CLPSL1: variants seen among roughly 807,000 people sequenced by gnomAD.
CLPSL1 encodes colipase-like protein 1.
In CLPSL1, 13 loss-of-function variants were observed where a neutral mutation model predicts 9.3. That is an observed-to-expected ratio of 1.40 (90% CI 0.91 to 2.22). The LOEUF (loss-of-function observed/expected upper bound fraction) is 2.22, where lower values mean the gene tolerates loss of function less well. Ranked by LOEUF, CLPSL1 falls within the 30% of genes most tolerant of loss-of-function variation. CLPSL1 has a pLI of 0.00. For missense variants in CLPSL1, 164 were observed against 146.6 expected, an observed-to-expected ratio of 1.12 and a Z score of -0.61; for synonymous variants, 58 against 56.9, an observed-to-expected ratio of 1.02 and a Z score of -0.08.
intron 2 of CLPSL1, 128 bp downstream of exon 2, chr6:35,787,248 T>C: frequency 1.7e-6 from 2 of 1,159,102 alleles, no homozygotes; most frequent in Non-Finnish European, 2.4e-6. Context: ...AATTCCCCCG[T>C]GGGACTGCAC....
chr6:35,783,611 C>T (rs961257331), intron 1 of CLPSL1, among the ~76,000 whole-genome samples: 1 of 151,636 alleles, frequency 6.6e-6, no homozygotes, highest in Non-Finnish European at 1.5e-5. Flanking sequence ...TCAAGACCAT[C>T]CTGGCTAACA....
intron 2 of CLPSL1, 90 bp from the exon 3 acceptor site, chr6:35,787,776 GC>G (rs1369248975): frequency 1.6e-6 from 2 of 1,248,082 alleles, no homozygotes; most frequent in African/African-American, 3.0e-5. Context: ...CTGTGGGCAA[GC>G]ACATGGGCCC....
intron 1 of CLPSL1, among the ~76,000 whole-genome samples, chr6:35,786,200 C>T (rs979872778): frequency 8.6e-5 from 13 of 151,908 alleles, no homozygotes; most frequent in Admixed American, 7.2e-4. Flanking sequence ...TGCAGTGAGC[C>T]GAAATCACGC....
chr6:35,791,855 C>T (rs1387789277), downstream of CLPSL1, among the ~76,000 whole-genome samples: 1 of 152,058 alleles, frequency 6.6e-6, no homozygotes, highest in Non-Finnish European at 1.5e-5. Flanking sequence ...ATTGCCTGAG[C>T]TCAGGAGTTC....
chr6:35,781,248 T>A, intron 1 of CLPSL1, 39 bp downstream of exon 1: 3 of 1,606,816 alleles, frequency 1.9e-6, no homozygotes, highest in Non-Finnish European at 1.7e-6. Context: ...CCCCCTCCAC[T>A]GTCCTAAGGC....
At chr6:35,791,287 T>C (rs1233230832), downstream of CLPSL1, among the ~76,000 whole-genome samples, 3 of 152,214 alleles carry the variant, frequency 2.0e-5, no homozygotes, top group Non-Finnish European at 4.4e-5. Context: ...ATAAACACAT[T>C]GTTTAAGTTG....
chr6:35,787,026 A>G lies in CLPSL1; in HGVS notation c.128A>G (p.Gln43Arg). ...CTCAAGGAGTCTTGCATCCGGAACC[A>G]GGACTGCGAGACTGGCTGCTGCCAA... ...LELKESCIRNQDCETGCCQRA... is the reference protein window; with the variant it reads ...LELKESCIRNRDCETGCCQRA... The change falls in exon 2 of 3, where the codon CAG becomes CGG. Residue 43 changes from glutamine (Q) to arginine (R), a missense_variant. Physicochemically the swap from Gln to Arg is conservative, Grantham distance 43. Transcript: ENST00000373861. 1 of 1,591,310 alleles carries G rather than the reference A, an allele frequency of 6.3e-7. No homozygotes were observed. Among genetic ancestry groups the G allele is most frequent in the South Asian group, 1.1e-5 (1 of 87,132 alleles).
chr6:35,791,176 G>A (rs1258067073), downstream of CLPSL1, among the ~76,000 whole-genome samples: 1 of 152,270 alleles, frequency 6.6e-6, no homozygotes, highest in Non-Finnish European at 1.5e-5. Context: ...TGCCCTATGG[G>A]AAAAGTGGTC....
rs1767959042 is a variant in CLPSL1 at position 35,781,143 on chromosome 6, C to T, written c.33C>T (p.Phe11=). Residue 11 remains phenylalanine (F), a synonymous_variant, in exon 1 of 3, where the codon TTC becomes TTT. Transcript: ENST00000373861. The stretch of plus-strand genomic sequence containing the variant: ...TACCCCAATGGCTGCTGCTGCTGTT[C>T]CTTCTCTTCTTCTTTCTCTTCCTCC... The part of the protein sequence containing the change: MMLPQWLLLL[F]LLFFFLFLLT... The T allele has an allele frequency of 6.2e-7, 1 of 1,613,940 alleles. No individual in the cohort carries two copies. Among genetic ancestry groups the T allele is most frequent in the Admixed American group, 1.7e-5 (1 of 60,000 alleles).
chr6:35,793,561 TG>T (rs1267195105), exon 2 of CLPSL1: 7 of 471,692 alleles, frequency 1.5e-5, no homozygotes, highest in South Asian at 1.1e-4. Flanking sequence ...CTAAGGCATG[TG>T]GCAACCTTGA....
At chr6:35,793,147 G>C (rs1768253347), downstream of CLPSL1, among the ~76,000 whole-genome samples, 1 of 152,260 alleles carries the variant, frequency 6.6e-6, no homozygotes. Context: ...GTATGGTCCA[G>C]GTGCCATGGT....
intron 1 of CLPSL1, among the ~76,000 whole-genome samples, chr6:35,781,870 C>G (rs775700003): frequency 3.3e-5 from 5 of 151,726 alleles, no homozygotes; most frequent in Non-Finnish European, 7.4e-5. Context: ...CTCAGCCTCC[C>G]GAGTAGCTGA....
chr6:35,787,849 A>T lies in CLPSL1; in HGVS notation c.223-18A>T. The T allele has an allele frequency of 6.2e-7, 1 of 1,607,072 alleles. No homozygotes were observed. ...AGAGCTGCCGCCAAGGTCGAGGTCA[A>T]AGTCCTGTCTTTCCCAGGTGTTCTT... On this transcript the variant is annotated intron_variant, in intron 2 of 2. Transcript: ENST00000373861.
At chr6:35,786,736 C>G (rs1462761290) in intron 1 of CLPSL1, among the ~76,000 whole-genome samples, 3 of 152,228 alleles carry the variant, frequency 2.0e-5, no homozygotes, top group Non-Finnish European at 1.5e-5. Flanking sequence ...AAGTCTAGAC[C>G]ACTCTGGTGT....
At chr6:35,786,919 T>C (rs1048306510) in intron 1 of CLPSL1, 79 bp from the exon 2 acceptor site, 69 of 1,501,196 alleles carry the variant, frequency 4.6e-5, no homozygotes, top group Non-Finnish European at 5.8e-5. Flanking sequence ...AGGAGCCCCG[T>C]AGGGAGAAAG....
rs368000979 is a variant in CLPSL1 at position 35,781,249 on chromosome 6, G to C, written c.99+40G>C. 100 of 1,606,500 alleles carry C rather than the reference G, an allele frequency of 6.2e-5. 1 individual carries two copies. Among genetic ancestry groups the C allele is most frequent in the Middle Eastern group, 1.7e-4 (1 of 5,994 alleles). On this transcript the variant is annotated intron_variant, in intron 1 of 2. Coordinates refer to ENST00000373861, the MANE Select transcript of CLPSL1 (RefSeq NM_001010886.5). ...GAGTGCAGTCACCTCCCCCTCCACT[G>C]TCCTAAGGCCTGTACTATTTGGGGA...
At chr6:35,784,587 T>C (rs774352278) in intron 1 of CLPSL1, among the ~76,000 whole-genome samples, 7 of 152,190 alleles carry the variant, frequency 4.6e-5, no homozygotes, top group Admixed American at 2.6e-4. Flanking sequence ...TAGATTTACA[T>C]TGATTAAAAT....
At chr6:35,793,595 C>T in exon 2 of CLPSL1, 1 of 470,340 alleles carries the variant, frequency 2.1e-6, no homozygotes, top group Admixed American at 2.4e-5. Context: ...GAGCTACCAG[C>T]CACCAAAAGA....
chr6:35,786,584 C>T (rs1275157522), intron 1 of CLPSL1, among the ~76,000 whole-genome samples: 1 of 152,072 alleles, frequency 6.6e-6, no homozygotes, highest in East Asian at 1.9e-4. Flanking sequence ...AGCCCCAGTG[C>T]TGGGTGGAGG....
Sources: allele counts gnomAD v4.1 joint callset (sites outside exome capture counted in the v4.1 genomes callset), GRCh38; gene constraint gnomAD v4.1.1; transcripts MANE v1.5; gene names NCBI Gene and HGNC (gene_info 2026-07-23, HGNC 2026-07-21).